Variants in ARNT2 observed in about 807,000 individuals in gnomAD.
ARNT2 encodes aryl hydrocarbon receptor nuclear translocator 2.
Under a neutral mutation model 91.7 loss-of-function variants are expected in ARNT2, and 36 were observed. The observed-to-expected ratio is 0.39, with a 90% CI of 0.30 to 0.52. The LOEUF is 0.52. Among genes scored for constraint, ARNT2 ranks in the 20% least tolerant of loss-of-function variants. The probability of loss-of-function intolerance (pLI) is 0.72; values close to 1 mark genes in which losing one functional copy is unlikely to be tolerated. For synonymous variants in ARNT2, 365 were observed against 347.1 expected (o/e 1.05, Z -0.57); for missense variants, 775 against 939.3 (o/e 0.83, Z 2.29).
intron 2 of ARNT2, among the ~76,000 whole-genome samples, chr15:80,452,066 C>T (rs575338219): frequency 3.9e-5 from 6 of 152,126 alleles, no homozygotes; most frequent in Non-Finnish European, 8.8e-5. Flanking sequence ...TAAGTGGAGG[C>T]AATGGGAAGT....
At position 80,576,911 on chromosome 15, in the gene ARNT2, A is replaced by G. The variant is rs747859238; in HGVS notation, c.1559A>G (p.Gln520Arg). ...TCAGCCTCTGCAGCAGGAACCCAGC[A>G]GATCTACTCCCAAGGAAGCCCATTT... Reference protein sequence around the residue: ...MSSASAAGTQQIYSQGSPFPS... With the variant: ...MSSASAAGTQRIYSQGSPFPS... Residue 520 changes from glutamine (Q) to arginine (R), a missense_variant, in exon 15 of 19, where the codon CAG becomes CGG. Transcript: ENST00000303329. 4.2e-5 allele frequency: 67 copies of G among 1,614,050 alleles called. No individual in the cohort carries two copies. The highest frequency in any genetic ancestry group is 1.6e-4 in the Middle Eastern group (1 of 6,084).
At position 80,511,659 on chromosome 15, in the gene ARNT2, G is replaced by A. The variant is rs551958634; in HGVS notation, c.726-2252G>A. Among the ~76,000 whole-genome samples the A allele has an allele frequency of 5.3e-5, 8 of 152,258 alleles. No individual in the cohort carries two copies. In the East Asian group the frequency reaches 1.2e-3, roughly 22 times the overall value. ...TGACATCAATAAAATGGTATCTAAG[G>A]CCTCAAAACTGAGATGCATGTGAAA... On this transcript the variant is annotated intron_variant, in intron 6 of 18. Transcript: ENST00000303329.
intron 8 of ARNT2, among the ~76,000 whole-genome samples, chr15:80,527,945 T>G (rs959399326): frequency 4.6e-5 from 7 of 151,936 alleles, no homozygotes; most frequent in Non-Finnish European, 1.0e-4. Flanking sequence ...CCTACATTCC[T>G]GGGAGTTTGT....
chr15:80,410,756 TTA>T (rs1895668702), intron 1 of ARNT2, among the ~76,000 whole-genome samples: 1 of 144,036 alleles, frequency 6.9e-6, no homozygotes, highest in African/African-American at 2.6e-5. Flanking sequence ...CCATTCATTT[TTA>T]TCTATCTATC....
At chr15:80,581,539 C>T in intron 17 of ARNT2, 135 bp downstream of exon 17, 1 of 1,154,856 alleles carries the variant, frequency 8.7e-7, no homozygotes, top group Non-Finnish European at 1.2e-6. Context: ...CACCTCCTCT[C>T]TCTCTGGCTA....
At chr15:80,491,103 A>C (rs929058400) in intron 5 of ARNT2, among the ~76,000 whole-genome samples, 1 of 152,212 alleles carries the variant, frequency 6.6e-6, no homozygotes, top group South Asian at 2.1e-4. Flanking sequence ...CAGCCATGGG[A>C]ATAGCATAGC....
chr15:80,467,783 TTGC>T (rs1896677077), intron 3 of ARNT2, among the ~76,000 whole-genome samples: 1 of 152,128 alleles, frequency 6.6e-6, no homozygotes, highest in South Asian at 2.1e-4. Context: ...TAGGCCTTTC[TTGC>T]TGCACCTTGG....
At chr15:80,557,291 A>G (rs1040347914) in intron 11 of ARNT2, among the ~76,000 whole-genome samples, 3 of 152,000 alleles carry the variant, frequency 2.0e-5, no homozygotes, top group African/African-American at 7.3e-5. Flanking sequence ...TCTACAAGCC[A>G]TGATGGATGA....
At chr15:80,482,906 G>C (rs1261123790) in intron 5 of ARNT2, among the ~76,000 whole-genome samples, 1 of 152,216 alleles carries the variant, frequency 6.6e-6, no homozygotes. Context: ...AACTGACTTG[G>C]TGAAACCATC....
At position 80,542,458 on chromosome 15, in the gene ARNT2, A is replaced by G. The variant is rs552937757; in HGVS notation, c.878-8741A>G. On this transcript the variant is annotated intron_variant, in intron 8 of 18. Transcript: ENST00000303329. ...TTTATTATATTCATAGATTTTGTGCATTAGGAATTAGACAGGGTATAGTAG... is the reference window on the plus strand; with the variant it reads ...TTTATTATATTCATAGATTTTGTGCGTTAGGAATTAGACAGGGTATAGTAG... Among the ~76,000 whole-genome samples, 8 of 152,270 alleles carry G rather than the reference A, an allele frequency of 5.3e-5. No homozygotes were observed. The East Asian group carries it at 1.5e-3, about 29-fold the overall frequency.
chr15:80,439,464 A>G (rs777560540), intron 1 of ARNT2, among the ~76,000 whole-genome samples: 34 of 152,196 alleles, frequency 2.2e-4, no homozygotes, highest in Admixed American at 5.9e-4. Flanking sequence ...CTGAAGCTGA[A>G]CTTTGATGGG....
rs144149231 is a variant in ARNT2, at chr15:80,432,266, G to C, written c.32-18614G>C. On this transcript the variant is annotated intron_variant, in intron 1 of 18. Transcript: ENST00000303329. ...TTGCCATCAGGTCAGCTGAATTAGA[G>C]GTAGAAGATTTCTCGCCTCTTCTTG... 4.3e-4 allele frequency among the ~76,000 whole-genome samples: 66 copies of C among 152,330 alleles called. No homozygotes were observed. The East Asian group carries it at 0.011, about 25-fold the overall frequency.
intron 3 of ARNT2, among the ~76,000 whole-genome samples, chr15:80,458,421 C>T (rs930544618): frequency 2.0e-5 from 3 of 152,000 alleles, no homozygotes; most frequent in Admixed American, 2.0e-4. Flanking sequence ...TTATTGCTAC[C>T]ATGGAAAATA....
chr15:80,440,827 G>T (rs958277102), intron 1 of ARNT2, among the ~76,000 whole-genome samples: 1 of 152,226 alleles, frequency 6.6e-6, no homozygotes, highest in Non-Finnish European at 1.5e-5. Context: ...CTGCTGATCA[G>T]AAAAGAATGT....
At chr15:80,536,314 A>T (rs1206395622) in intron 8 of ARNT2, among the ~76,000 whole-genome samples, 2 of 152,184 alleles carry the variant, frequency 1.3e-5, no homozygotes, top group African/African-American at 2.4e-5. Context: ...CAAGGCCTGA[A>T]GATTGGTTGG....
chr15:80,503,498 T>C (rs1897228679), intron 5 of ARNT2, among the ~76,000 whole-genome samples: 2 of 152,220 alleles, frequency 1.3e-5, no homozygotes, highest in South Asian at 2.1e-4. Context: ...GTGTGTTTTT[T>C]CATTTCCTCA....
chr15:80,411,187 C>G (rs1029669673), intron 1 of ARNT2, among the ~76,000 whole-genome samples: 1 of 152,182 alleles, frequency 6.6e-6, no homozygotes, highest in Non-Finnish European at 1.5e-5. Context: ...TGCATTCTTC[C>G]AGGGCCCCAT....
chr15:80,463,140 G>A (rs1199178268), intron 3 of ARNT2, among the ~76,000 whole-genome samples: 1 of 152,210 alleles, frequency 6.6e-6, no homozygotes, highest in African/African-American at 2.4e-5. Flanking sequence ...GGGTTACTCT[G>A]TTTCCAAGTG....
chr15:80,433,147 G>A (rs2141570664), intron 1 of ARNT2, among the ~76,000 whole-genome samples: 1 of 151,880 alleles, frequency 6.6e-6, no homozygotes. Flanking sequence ...TCTGTGGAAG[G>A]ATATGTGAGT....
Sources: allele counts gnomAD v4.1 joint callset (sites outside exome capture counted in the v4.1 genomes callset), GRCh38; gene constraint gnomAD v4.1.1; transcripts MANE v1.5; gene names NCBI Gene and HGNC (gene_info 2026-07-23, HGNC 2026-07-21).